TRIM44: variants seen among roughly 807,000 people sequenced by gnomAD.
TRIM44 encodes tripartite motif containing 44.
A neutral mutation model predicts 37.4 loss-of-function variants in TRIM44; 13 were observed. That is an observed-to-expected ratio of 0.35 (90% CI 0.23 to 0.55). The LOEUF (loss-of-function observed/expected upper bound fraction) is 0.55, where lower values mean the gene tolerates loss of function less well. Ranked by LOEUF, TRIM44 falls within the 20% of genes least tolerant of loss-of-function variation. The pLI is 0.89. For missense variants in TRIM44, 426 were observed against 437.2 expected (o/e 0.97, Z 0.23); for synonymous variants, 175 against 157.2 (o/e 1.11, Z -0.85).
intron 1 of TRIM44, among the ~76,000 whole-genome samples, chr11:35,676,924 T>C (rs1851465521): frequency 6.6e-6 from 1 of 152,158 alleles, no homozygotes; most frequent in Non-Finnish European, 1.5e-5. Flanking sequence ...ATTTTGAGAC[T>C]GTTGTTTTGA....
chr11:35,709,375 C>A, intron 2 of TRIM44, among the ~76,000 whole-genome samples: 1 of 152,172 alleles, frequency 6.6e-6, no homozygotes, highest in South Asian at 2.1e-4. Context: ...ATTAACCTAG[C>A]CAATGATTTT....
chr11:35,785,766 C>T (rs949750317), intron 4 of TRIM44, among the ~76,000 whole-genome samples: 14 of 152,206 alleles, frequency 9.2e-5, no homozygotes, highest in African/African-American at 2.7e-4. Flanking sequence ...GAAGCAAAGC[C>T]ATTTGCATCA....
Position 35,711,575 on chromosome 11 carries a change from A to AC in TRIM44, c.748-14343dup, listed in dbSNP as rs573595018. On this transcript the variant is annotated intron_variant, in intron 2 of 4. Transcript: ENST00000299413. Reference sequence around the variant, plus strand: ...TTAAAGTGTTGAGTACATTAAGGAGACCCCCCATCTCTACTAAAAATTAAA... The same window carrying AC: ...TTAAAGTGTTGAGTACATTAAGGAGACCCCCCCATCTCTACTAAAAATTAAA... 2.7e-4 allele frequency among the ~76,000 whole-genome samples: 41 copies of AC among 150,744 alleles called. No individual in the cohort carries two copies. The East Asian group carries it at 3.3e-3, about 12-fold the overall frequency.
intron 4 of TRIM44, among the ~76,000 whole-genome samples, chr11:35,765,873 T>C (rs1326270601): frequency 6.6e-6 from 1 of 152,200 alleles, no homozygotes; most frequent in African/African-American, 2.4e-5. Context: ...TGTCTCCTGT[T>C]TCTTACTGTG....
At chr11:35,681,100 A>T (rs1564946627) in intron 1 of TRIM44, among the ~76,000 whole-genome samples, 1 of 152,098 alleles carries the variant, frequency 6.6e-6, no homozygotes, top group African/African-American at 2.4e-5. Flanking sequence ...TTTTGGGGAC[A>T]TTGTTTGACA....
intron 2 of TRIM44, among the ~76,000 whole-genome samples, chr11:35,689,592 T>G (rs1851617958): frequency 6.6e-6 from 1 of 152,214 alleles, no homozygotes; most frequent in East Asian, 1.9e-4. Flanking sequence ...TGAGTACATT[T>G]ATGGTAGGCT....
Position 35,808,045 on chromosome 11 carries a change from C to G in TRIM44, c.*1660C>G, listed in dbSNP as rs1853477543. 1 of 152,008 alleles carries G rather than the reference C, an allele frequency of 6.6e-6. No individual in the cohort carries two copies. Among genetic ancestry groups the G allele is most frequent in the Non-Finnish European group, 1.5e-5 (1 of 68,014 alleles). 9.4% of individuals were successfully genotyped at this position (152,008 alleles called of 1,614,324 possible). A position where few individuals can be genotyped will look rare whatever the true frequency, so the allele number is the denominator to read the frequency against. Reference sequence around the variant, plus strand: ...TTGAAACAGAAACAATACTTGTTTACTGTAGGAATCCTATTTATATTATTT... The same window carrying G: ...TTGAAACAGAAACAATACTTGTTTAGTGTAGGAATCCTATTTATATTATTT... On this transcript the variant is annotated 3_prime_UTR_variant, in exon 5 of 5. Coordinates refer to ENST00000299413, the MANE Select transcript of TRIM44 (RefSeq NM_017583.6).
intron 2 of TRIM44, among the ~76,000 whole-genome samples, chr11:35,712,530 A>G (rs1851988317): frequency 6.6e-6 from 1 of 152,096 alleles, no homozygotes; most frequent in Non-Finnish European, 1.5e-5. Flanking sequence ...GTCATTTAAA[A>G]ACTAAGGTGG....
intron 2 of TRIM44, among the ~76,000 whole-genome samples, chr11:35,685,895 C>T (rs915252675): frequency 6.6e-6 from 1 of 152,194 alleles, no homozygotes; most frequent in Non-Finnish European, 1.5e-5. Flanking sequence ...AACTCCTGAC[C>T]TCGTGATCCG....
In TRIM44 at chr11:35,742,368, G is replaced by GATAT. The variant is rs533139422; in HGVS notation, c.1007+6934_1007+6937dup. The stretch of plus-strand genomic sequence containing the variant: ...TTTACATATATTATCTATATATATG[G>GATAT]ATATATATATATATGGTCTATATAT... On this transcript the variant is annotated intron_variant, in intron 4 of 4. Transcript: ENST00000299413. Among the ~76,000 whole-genome samples, 599 of 138,494 alleles carry GATAT rather than the reference G, an allele frequency of 4.3e-3. 18 individuals carry two copies. In the Admixed American group the frequency reaches 0.044, roughly 10 times the overall value. 90.9% of individuals were successfully genotyped at this position (138,494 alleles called of 152,430 possible).
intron 4 of TRIM44, among the ~76,000 whole-genome samples, chr11:35,776,044 G>A (rs1852954594): frequency 6.6e-6 from 1 of 151,126 alleles, no homozygotes; most frequent in African/African-American, 2.5e-5. Context: ...CAGAAGGACT[G>A]GTACAGCTCC....
intron 4 of TRIM44, among the ~76,000 whole-genome samples, chr11:35,755,664 C>T (rs1482153504): frequency 3.9e-5 from 6 of 152,154 alleles, no homozygotes; most frequent in African/African-American, 1.4e-4. Flanking sequence ...TTTAATCTAT[C>T]TTGAATTAAT....
chr11:35,786,204 G>T (rs993812606), intron 4 of TRIM44, among the ~76,000 whole-genome samples: 1 of 152,146 alleles, frequency 6.6e-6, no homozygotes, highest in Non-Finnish European at 1.5e-5. Context: ...TTTCTCTTTA[G>T]TCTTTAGTAG....
intron 2 of TRIM44, among the ~76,000 whole-genome samples, chr11:35,725,288 T>C (rs760872658): frequency 2.6e-5 from 4 of 152,168 alleles, no homozygotes; most frequent in Non-Finnish European, 4.4e-5. Context: ...GCTGGGAGGA[T>C]ACATACCAAA....
intron 3 of TRIM44, among the ~76,000 whole-genome samples, chr11:35,731,317 C>T (rs1590550412): frequency 6.6e-6 from 1 of 152,110 alleles, no homozygotes; most frequent in Non-Finnish European, 1.5e-5. Flanking sequence ...TGAGATATAT[C>T]TTCTGTATCT....
Position 35,815,751 on chromosome 11 carries a change from C to T in TRIM44, c.*9366C>T, listed in dbSNP as rs1853574672. 1 of 152,112 alleles carries T rather than the reference C, an allele frequency of 6.6e-6. No individual in the cohort carries two copies. Among genetic ancestry groups the T allele is most frequent in the African/African-American group, 2.4e-5 (1 of 41,424 alleles). The allele number at this position is 152,112 out of a possible 1,614,324, so 9.4% of individuals were successfully genotyped here. On this transcript the variant is annotated 3_prime_UTR_variant, in exon 5 of 5. Coordinates refer to ENST00000299413, the MANE Select transcript of TRIM44 (RefSeq NM_017583.6). ...AGAATTAGGTCACCGGGGCATCTGC[C>T]ATTGCATATGTTTAAGTGGTATAAA...
At chr11:35,806,243 G>T in intron 4 of TRIM44, 115 bp from the exon 5 acceptor site, 1 of 1,163,236 alleles carries the variant, frequency 8.6e-7, no homozygotes, top group Non-Finnish European at 1.3e-6. Context: ...AATCATGGTA[G>T]TTAAGACTTA....
intron 4 of TRIM44, among the ~76,000 whole-genome samples, chr11:35,737,586 A>T (rs1218726898): frequency 6.6e-6 from 1 of 152,222 alleles, no homozygotes; most frequent in Admixed American, 6.5e-5. Context: ...CTGTAATCCC[A>T]GGACTTTGGG....
intron 2 of TRIM44, among the ~76,000 whole-genome samples, chr11:35,725,677 TA>T (rs1431215073): frequency 6.6e-6 from 1 of 151,948 alleles, no homozygotes. Flanking sequence ...ATTACTGGTA[TA>T]AAAATGAACA....
Sources: allele counts gnomAD v4.1 joint callset (sites outside exome capture counted in the v4.1 genomes callset), GRCh38; gene constraint gnomAD v4.1.1; transcripts MANE v1.5; gene names NCBI Gene and HGNC (gene_info 2026-07-23, HGNC 2026-07-21).